The following DNAJB6 variants were observed in gnomAD, a reference collection of about 807,000 sequenced individuals.
DNAJB6 encodes the protein DnaJ heat shock protein family (Hsp40) member B6.
In DNAJB6, 16 loss-of-function variants were observed where a neutral mutation model predicts 42.7. The ratio of observed to expected loss-of-function variants is 0.37; its 90% CI spans 0.25 to 0.57. The LOEUF is 0.57. Among genes scored for constraint, DNAJB6 ranks in the 20% least tolerant of loss-of-function variants. The pLI is 0.74. For missense variants in DNAJB6, 347 were observed against 416.8 expected (o/e 0.83, Z 1.46); for synonymous variants, 170 against 163.5 (o/e 1.04, Z -0.30).
intron 1 of DNAJB6, among the ~76,000 whole-genome samples, chr7:157,348,042 T>TGAGGTGGATCC (rs1491504523): frequency 6.6e-5 from 10 of 151,264 alleles, no homozygotes; most frequent in African/African-American, 2.4e-4. Context: ...GTGATCCACC[T>TGAGGTGGATCC]ACCTCAGCCT....
At chr7:157,340,067 TATATTGGTTA>T (rs1347547249) in intron 1 of DNAJB6, 2 of 152,382 alleles carry the variant, frequency 1.3e-5, no homozygotes, top group East Asian at 3.9e-4. Flanking sequence ...GGTCAGCTTC[TATATTGGTTA>T]ATGCTTACAG....
chr7:157,384,673 CAG>C (rs1800962927), intron 6 of DNAJB6, among the ~76,000 whole-genome samples, 192 bp from the exon 7 acceptor site: 1 of 151,926 alleles, frequency 6.6e-6, no homozygotes, highest in African/African-American at 2.4e-5. Context: ...AGTCCCCACT[CAG>C]GGATCTGAGA....
At chr7:157,355,367 A>G (rs980676031) in intron 1 of DNAJB6, among the ~76,000 whole-genome samples, 55 of 152,116 alleles carry the variant, frequency 3.6e-4, no homozygotes, top group African/African-American at 1.1e-3. Flanking sequence ...TCACCGTGTT[A>G]GCCAGGATGG....
chr7:157,352,302 G>A (rs1053740941), intron 1 of DNAJB6, among the ~76,000 whole-genome samples: 4 of 151,778 alleles, frequency 2.6e-5, no homozygotes, highest in Non-Finnish European at 4.4e-5. Flanking sequence ...CTACTCTGGC[G>A]ACAGAGCAAG....
At chr7:157,353,586 G>GGTGTGTGTGT (rs370854040) in intron 1 of DNAJB6, among the ~76,000 whole-genome samples, 3,857 of 140,014 alleles carry the variant, frequency 0.028, 68 homozygotes, top group East Asian at 0.046. Flanking sequence ...TCTTGACCGG[G>GGTGTGTGTGT]GTGTGTGTGT....
chr7:157,389,715 G>A (rs1048637907), intron 8 of DNAJB6, among the ~76,000 whole-genome samples: 1 of 152,202 alleles, frequency 6.6e-6, no homozygotes, highest in South Asian at 2.1e-4. Context: ...TTAAAAAGGT[G>A]AAAAGAGGGA....
rs776254454 is a variant in DNAJB6, at chr7:157,416,173, G to A, written c.*75G>A. ...GCTCGGCATGCGGTCGTGCACACGC[G>A]CTAGGTAGCAGCGTCGGTCAGGACT... is the stretch of plus-strand genomic sequence containing the variant. On this transcript the variant is annotated 3_prime_UTR_variant, in exon 10 of 10. Transcript: ENST00000262177. The A allele has an allele frequency of 3.2e-6, 5 of 1,565,100 alleles. No homozygotes were observed. In the East Asian group the frequency reaches 7.2e-5, roughly 22 times the overall value.
At chr7:157,372,422 G>A (rs1223985941) in intron 5 of DNAJB6, among the ~76,000 whole-genome samples, 2 of 152,238 alleles carry the variant, frequency 1.3e-5, no homozygotes, top group Non-Finnish European at 2.9e-5. Flanking sequence ...CGAGGAGTGC[G>A]AGGAGCCGCT....
intron 1 of DNAJB6, among the ~76,000 whole-genome samples, chr7:157,356,039 T>A (rs939814983): frequency 1.3e-5 from 2 of 152,232 alleles, no homozygotes; most frequent in Non-Finnish European, 2.9e-5. Context: ...ATGAGCTGTT[T>A]GGACTTGCGA....
chr7:157,400,643 T>A (rs539346640), intron 8 of DNAJB6, among the ~76,000 whole-genome samples: 1 of 152,340 alleles, frequency 6.6e-6, no homozygotes, highest in East Asian at 1.9e-4. Flanking sequence ...ATCACCAGGC[T>A]CACCGCCGGG....
intron 9 of DNAJB6, 103 bp from the exon 10 acceptor site, chr7:157,415,913 G>C: frequency 6.3e-7 from 1 of 1,591,612 alleles, no homozygotes; most frequent in Non-Finnish European, 8.6e-7. Context: ...TCATTTTGTT[G>C]CTTTTTGTTC....
chr7:157,350,713 G>A (rs986420096), intron 1 of DNAJB6, among the ~76,000 whole-genome samples: 1 of 148,260 alleles, frequency 6.7e-6, no homozygotes, highest in Non-Finnish European at 1.5e-5. Flanking sequence ...TTTTTGAGAT[G>A]GAGTCTTACT....
chr7:157,337,968 A>G (rs1005448732), intron 1 of DNAJB6, among the ~76,000 whole-genome samples: 1 of 152,184 alleles, frequency 6.6e-6, no homozygotes, highest in Non-Finnish European at 1.5e-5. Flanking sequence ...AAGTAGAACG[A>G]TCGTGCCACC....
At position 157,364,117 on chromosome 7, in the gene DNAJB6, T is replaced by A. The variant is rs560070614; in HGVS notation, c.175+847T>A. ...CAACAAAAAAAATTTTTTTTTTTTTTAAAGAACCCAATTTGAGGCAGAGGT... is the reference window on the plus strand; with the variant it reads ...CAACAAAAAAAATTTTTTTTTTTTTAAAAGAACCCAATTTGAGGCAGAGGT... On this transcript the variant is annotated intron_variant, in intron 3 of 9. Transcript: ENST00000262177. Among the ~76,000 whole-genome samples, 811 of 151,994 alleles carry A rather than the reference T, an allele frequency of 5.3e-3. 12 individuals are homozygous for A. The highest frequency in any genetic ancestry group is 0.018 in the African/African-American group (750 of 41,458).
chr7:157,398,041 G>T (rs1316081293), intron 8 of DNAJB6, among the ~76,000 whole-genome samples: 1 of 152,204 alleles, frequency 6.6e-6, no homozygotes, highest in Non-Finnish European at 1.5e-5. Context: ...TTCAGCCTTC[G>T]TACCTGCTCT....
chr7:157,360,067 A>G (rs1317903158), intron 2 of DNAJB6, among the ~76,000 whole-genome samples: 1 of 152,142 alleles, frequency 6.6e-6, no homozygotes, highest in Non-Finnish European at 1.5e-5. Context: ...GGAATACCTT[A>G]CTCCTCTCGA....
At chr7:157,383,293 A>T (rs759106215) in intron 6 of DNAJB6, among the ~76,000 whole-genome samples, 1 of 152,186 alleles carries the variant, frequency 6.6e-6, no homozygotes, top group Non-Finnish European at 1.5e-5. Context: ...GGCATGAGCC[A>T]CCACTCCTGG....
At chr7:157,399,189 C>T (rs1046914930) in intron 8 of DNAJB6, among the ~76,000 whole-genome samples, 1 of 152,160 alleles carries the variant, frequency 6.6e-6, no homozygotes, top group Non-Finnish European at 1.5e-5. Flanking sequence ...AGATCTTGCA[C>T]GAGTCAGGCT....
intron 1 of DNAJB6, among the ~76,000 whole-genome samples, chr7:157,341,496 T>C (rs954510456): frequency 2.0e-5 from 3 of 152,218 alleles, no homozygotes; most frequent in African/African-American, 4.8e-5. Flanking sequence ...ACACTACATA[T>C]GATTTTTCCC....
Sources: allele counts gnomAD v4.1 joint callset (sites outside exome capture counted in the v4.1 genomes callset), GRCh38; gene constraint gnomAD v4.1.1; transcripts MANE v1.5; gene names NCBI Gene and HGNC (gene_info 2026-07-23, HGNC 2026-07-21).